PLEKHA6: variants seen among roughly 807,000 people sequenced by gnomAD.
PLEKHA6 encodes the protein pleckstrin homology domain containing A6.
PLEKHA6 carries 60 observed loss-of-function variants against 116.7 expected under a neutral mutation model. The observed-to-expected ratio is 0.51, with a 90% CI of 0.42 to 0.64. The LOEUF is 0.64. Among genes scored for constraint, PLEKHA6 ranks in the 30% least tolerant of loss-of-function variants. The probability of loss-of-function intolerance (pLI) is 0.00; values close to 1 mark genes in which losing one functional copy is unlikely to be tolerated. For missense variants in PLEKHA6, 1,338 were observed against 1,422.7 expected (o/e 0.94, Z 0.96); for synonymous variants, 489 against 556.1 (o/e 0.88, Z 1.70).
At chr1:204,283,331 A>G (rs1572057226) in intron 1 of PLEKHA6, among the ~76,000 whole-genome samples, 2 of 152,204 alleles carry the variant, frequency 1.3e-5, no homozygotes, top group African/African-American at 2.4e-5. Context: ...GCTGTCTGGT[A>G]TCTTAGTTTT....
chr1:204,310,603 A>G (rs1376193927), intron 1 of PLEKHA6, among the ~76,000 whole-genome samples: 6 of 152,222 alleles, frequency 3.9e-5, no homozygotes, highest in Non-Finnish European at 7.3e-5. Flanking sequence ...TTTCCAAAAG[A>G]GAGACTGAAG....
intron 1 of PLEKHA6, chr1:204,309,432 T>A (rs1328915159): frequency 6.6e-6 from 1 of 152,262 alleles, no homozygotes. Context: ...ATTATAACAC[T>A]GCATTTTTCC....
At chr1:204,333,953 G>T (rs912080271) in intron 1 of PLEKHA6, among the ~76,000 whole-genome samples, 11 of 152,198 alleles carry the variant, frequency 7.2e-5, no homozygotes, top group Non-Finnish European at 1.2e-4. Context: ...TATTTAAAAT[G>T]GTAAGGTCCC....
intron 1 of PLEKHA6, among the ~76,000 whole-genome samples, chr1:204,328,685 C>A (rs919939232): frequency 6.6e-6 from 1 of 152,216 alleles, no homozygotes; most frequent in Non-Finnish European, 1.5e-5. Context: ...TGTGCCCGGC[C>A]TCACAGTCAA....
chr1:204,258,036 C>G (rs1665597765), intron 8 of PLEKHA6, among the ~76,000 whole-genome samples, 167 bp from the exon 9 acceptor site: 1 of 152,124 alleles, frequency 6.6e-6, no homozygotes, highest in South Asian at 2.1e-4. Flanking sequence ...TCACAGCCCC[C>G]CTCCTCAAAC....
chr1:204,233,298 C>T (rs1661469593), intron 17 of PLEKHA6, among the ~76,000 whole-genome samples: 1 of 150,848 alleles, frequency 6.6e-6, no homozygotes, highest in African/African-American at 2.4e-5. Context: ...CCTAAGCCTC[C>T]TGGAGGAGGC....
intron 1 of PLEKHA6, among the ~76,000 whole-genome samples, chr1:204,345,767 T>C (rs796389551): frequency 1.7e-4 from 26 of 152,112 alleles, no homozygotes; most frequent in Admixed American, 8.5e-4. Flanking sequence ...CCAGAGCAGG[T>C]TCCCCCCAGC....
Position 204,244,926 on chromosome 1 carries a change from G to A in PLEKHA6, c.2110C>T (p.Leu704=), listed in dbSNP as rs1205566578. The change falls in exon 15 of 23, where the codon CTG becomes TTG. Residue 704 remains leucine (L), a synonymous_variant. Coordinates refer to ENST00000272203, the MANE Select transcript of PLEKHA6 (RefSeq NM_014935.5). The part of the protein sequence containing the change: ...PLSSASLTSP[L]SPFSLVSGSQ... ...CCCGACACCAGTGAAAAGGGGCTCA[G>A]GGGGCTGGTGAGGCTGGCAGAGCTG... 6.6e-7 allele frequency: 1 copy of A among 1,523,478 alleles called. No individual in the cohort carries two copies. The highest frequency in any genetic ancestry group is 2.1e-5 in the Admixed American group (1 of 47,706). 94.4% of individuals were successfully genotyped at this position (1,523,478 alleles called of 1,614,324 possible). A position where few individuals can be genotyped will look rare whatever the true frequency, so the allele number is the denominator to read the frequency against.
intron 1 of PLEKHA6, among the ~76,000 whole-genome samples, chr1:204,290,280 C>A (rs1305177247): frequency 6.6e-6 from 1 of 152,178 alleles, no homozygotes; most frequent in Non-Finnish European, 1.5e-5. Flanking sequence ...GACTTCAAGA[C>A]TTATTATAAA....
At chr1:204,326,701 G>T (rs552661850) in intron 1 of PLEKHA6, among the ~76,000 whole-genome samples, 1 of 152,352 alleles carries the variant, frequency 6.6e-6, no homozygotes, top group South Asian at 2.1e-4. Context: ...TTAAGCTAGA[G>T]AATTAAGAGT....
chr1:204,360,383 G>GCC (rs55977147), upstream of PLEKHA6, among the ~76,000 whole-genome samples: 10,433 of 134,872 alleles, frequency 0.077, 531 homozygotes, highest in East Asian at 0.44. Context: ...CCCATCCCCC[G>GCC]CCCCCCCCCC....
At position 204,248,814 on chromosome 1, in the gene PLEKHA6, G is replaced by T; in HGVS notation, c.1824+7C>A. 1 of 1,613,098 alleles carries T rather than the reference G, an allele frequency of 6.2e-7. No individual in the cohort carries two copies. ...GTGGGGTGCACGAACCCCGCTCCCT[G>T]GGTTACCGTGGTCGCCTGAGACAGC... On this transcript the variant is annotated splice_region_variant and intron_variant, in intron 12 of 22. Transcript: ENST00000272203.
chr1:204,274,445 G>A (rs1219140576), intron 2 of PLEKHA6: 1 of 191,056 alleles, frequency 5.2e-6, no homozygotes, highest in Non-Finnish European at 9.6e-6. Flanking sequence ...TCCGTCAAAG[G>A]CCCCTGGGTG....
intron 1 of PLEKHA6, among the ~76,000 whole-genome samples, chr1:204,308,693 T>TTTTC (rs1671512942): frequency 1.0e-5 from 1 of 99,028 alleles, no homozygotes; most frequent in Non-Finnish European, 2.1e-5. Flanking sequence ...TTTTCTTTTT[T>TTTTC]TTTTTTTTTT....
At chr1:204,319,185 C>T (rs1206325321) in intron 1 of PLEKHA6, among the ~76,000 whole-genome samples, 1 of 152,200 alleles carries the variant, frequency 6.6e-6, no homozygotes, top group Non-Finnish European at 1.5e-5. Context: ...GAATCACTCT[C>T]CTTTCCCCGT....
chr1:204,343,186 T>A (rs1249792276), intron 1 of PLEKHA6, among the ~76,000 whole-genome samples: 1 of 152,130 alleles, frequency 6.6e-6, no homozygotes, highest in Non-Finnish European at 1.5e-5. Context: ...TCTGACATAA[T>A]AGAAATATAT....
At chr1:204,314,495 C>T (rs1671778944) in intron 1 of PLEKHA6, among the ~76,000 whole-genome samples, 1 of 152,172 alleles carries the variant, frequency 6.6e-6, no homozygotes, top group South Asian at 2.1e-4. Flanking sequence ...CAAGACTGAT[C>T]CTAACTGGCC....
At chr1:204,368,892 C>G (rs1044755447) in intron 2 of PLEKHA6, 1 of 152,238 alleles carries the variant, frequency 6.6e-6, no homozygotes, top group African/African-American at 2.4e-5. Context: ...TGAAGTCTTA[C>G]GAAGCATAGC....
At chr1:204,342,907 G>T (rs1322012514) in intron 1 of PLEKHA6, among the ~76,000 whole-genome samples, 1 of 152,238 alleles carries the variant, frequency 6.6e-6, no homozygotes, top group Non-Finnish European at 1.5e-5. Context: ...TTAGCCCCGT[G>T]TGGGTCAAGA....
Sources: allele counts gnomAD v4.1 joint callset (sites outside exome capture counted in the v4.1 genomes callset), GRCh38; gene constraint gnomAD v4.1.1; transcripts MANE v1.5; gene names NCBI Gene and HGNC (gene_info 2026-07-23, HGNC 2026-07-21).